Variants in MACF1 observed in about 807,000 individuals in gnomAD.
MACF1 encodes microtubule-actin cross-linking factor 1.
MACF1 carries 193 observed loss-of-function variants against 854.8 expected under a neutral mutation model. That is an observed-to-expected ratio of 0.23 (90% CI 0.20 to 0.25). MACF1 has a LOEUF of 0.25. Ranked by LOEUF, MACF1 falls within the 10% of genes least tolerant of loss-of-function variation. The pLI, the probability that MACF1 is intolerant of heterozygous loss-of-function variation, is 1.00. For missense variants in MACF1, 7,722 were observed against 8,929.1 expected (o/e 0.86, Z 5.45); for synonymous variants, 3,185 against 3,226.7 (o/e 0.99, Z 0.44).
intron 54 of MACF1, among the ~76,000 whole-genome samples, 194 bp downstream of exon 54, chr1:39,379,638 G>T (rs1464240577): frequency 6.6e-6 from 1 of 152,214 alleles, no homozygotes; most frequent in African/African-American, 2.4e-5. Flanking sequence ...ATTAGAAATT[G>T]TTATAAGTTA....
At chr1:39,468,839 G>C in intron 96 of MACF1, 107 bp downstream of exon 96, 1 of 1,018,500 alleles carries the variant, frequency 9.8e-7, no homozygotes, top group Non-Finnish European at 1.5e-6. Context: ...TTTTTATTTT[G>C]TTAAGCTGCC....
intron 23 of MACF1, among the ~76,000 whole-genome samples, chr1:39,308,778 C>T (rs1229750601): frequency 2.6e-5 from 4 of 152,044 alleles, no homozygotes; most frequent in Non-Finnish European, 5.9e-5. Flanking sequence ...GCCTCAGCCT[C>T]CCAAGTAGCT....
At chr1:39,471,591 C>T (rs1448637887) in intron 97 of MACF1, among the ~76,000 whole-genome samples, 1 of 152,152 alleles carries the variant, frequency 6.6e-6, no homozygotes, top group Non-Finnish European at 1.5e-5. Flanking sequence ...TGCCAGTCTC[C>T]TGGTACTGCC....
chr1:39,468,791 T>C, intron 96 of MACF1, 59 bp downstream of exon 96: 10 of 1,445,250 alleles, frequency 6.9e-6, no homozygotes, highest in Non-Finnish European at 9.7e-6. Flanking sequence ...AGTGATCTTT[T>C]ATGCTTACAG....
chr1:39,295,868 A>G lies in MACF1; in HGVS notation c.2341A>G (p.Thr781Ala). 6.2e-7 allele frequency: 1 copy of G among 1,613,848 alleles called. No homozygotes were observed. Among genetic ancestry groups the G allele is most frequent in the Non-Finnish European group, 8.5e-7 (1 of 1,179,804 alleles). Residue 781 changes from threonine to alanine, a missense_variant, in exon 20 of 101, where the codon ACT becomes GCT. Around this residue, in one of 15 missense-constraint regions of MACF1, gnomAD observed 1,137 missense variants for 1,263.0 expected, o/e 0.90. Transcript: ENST00000564288. ...TGTTGAGCAGCATGTGAAAGAGAAT[A>G]CTGCTTATTTTCAGGTGTGATGGAT... Reference protein sequence around the residue: ...LCVEQHVKENTAYFQFFSDAR... With the variant: ...LCVEQHVKENAAYFQFFSDAR...
At chr1:39,443,152 AT>A (rs1212884388) in intron 78 of MACF1, among the ~76,000 whole-genome samples, 1 of 152,192 alleles carries the variant, frequency 6.6e-6, no homozygotes, top group African/African-American at 2.4e-5. Context: ...ACTATAACAG[AT>A]TCCCTTTTTT....
intron 6 of MACF1, among the ~76,000 whole-genome samples, chr1:39,276,766 A>AT (rs1346440723): frequency 1.3e-5 from 2 of 152,044 alleles, no homozygotes; most frequent in Non-Finnish European, 2.9e-5. Context: ...TAGATATGAG[A>AT]TTTTTTTCGT....
intron 2 of MACF1, among the ~76,000 whole-genome samples, chr1:39,198,869 C>T (rs1644355455): frequency 6.6e-6 from 1 of 152,098 alleles, no homozygotes; most frequent in African/African-American, 2.4e-5. Flanking sequence ...TTAATATATA[C>T]TGTTGTTGAG....
In MACF1 at chr1:39,192,969, G is replaced by A. The variant is rs373940472; in HGVS notation, c.221-38213G>A. On this transcript the variant is annotated intron_variant, in intron 2 of 93. Coordinates refer to the MACF1 transcript ENST00000361689. ...TACCAAAAATACAAAAAAATTAGAC[G>A]GGCATGGTGGCGCATGCCTGTAATC... 7.9e-5 allele frequency among the ~76,000 whole-genome samples: 12 copies of A among 152,144 alleles called. No homozygotes were observed. In the South Asian group the frequency reaches 1.0e-3, roughly 13 times the overall value.
Position 39,332,967 on chromosome 1 carries a change from A to T in MACF1, c.6379A>T (p.Ser2127Cys), listed in dbSNP as rs766786831. 2 of 1,614,186 alleles carry T rather than the reference A, an allele frequency of 1.2e-6. No homozygotes were observed. Among genetic ancestry groups the T allele is most frequent in the Non-Finnish European group, 1.7e-6 (2 of 1,180,042 alleles). ...AGCAGTGTCTGTCAGAGAAAATGCC[A>T]GCAGGGGACACCTCCTGACCATACC... The part of the protein sequence containing the change: ...QTAVSVRENA[S>C]RGHLLTIPPA... Residue 2127 changes from serine (S) to cysteine (C), a missense_variant, in exon 37 of 101, where the codon AGC (serine) becomes TGC (cysteine). By Grantham distance (112) the Ser-to-Cys change is moderately radical. Coordinates refer to ENST00000564288, the MANE Select transcript of MACF1 (RefSeq NM_001394062.1).
chr1:39,183,192 G>A (rs1431531522), intron 2 of MACF1, among the ~76,000 whole-genome samples: 1 of 152,206 alleles, frequency 6.6e-6, no homozygotes, highest in Non-Finnish European at 1.5e-5. Context: ...TAGGGGTTGA[G>A]GAGGGGCGAA....
intron 2 of MACF1, among the ~76,000 whole-genome samples, chr1:39,091,583 C>A (rs1377761970): frequency 6.6e-6 from 1 of 152,126 alleles, no homozygotes; most frequent in East Asian, 1.9e-4. Flanking sequence ...GCAGCCTCCA[C>A]CTCCCAAATT....
chr1:39,289,131 C>A (rs1645714717), intron 15 of MACF1, among the ~76,000 whole-genome samples: 1 of 152,186 alleles, frequency 6.6e-6, no homozygotes, highest in Non-Finnish European at 1.5e-5. Context: ...TTTCTTTCTC[C>A]ATTCATCTGT....
Position 39,167,827 on chromosome 1 carries a change from T to C in MACF1, c.221-63355T>C, listed in dbSNP as rs185240807. 7.2e-3 allele frequency among the ~76,000 whole-genome samples: 1,077 copies of C among 149,496 alleles called. 12 individuals carry two copies. The highest frequency in any genetic ancestry group is 0.026 in the African/African-American group (1,041 of 40,468). Reference sequence around the variant, plus strand: ...CTTTGGAGGTTGCAGTGAGCTGAGATTGCGTTACTGCACTCCAGCCTGGGC... The same window carrying C: ...CTTTGGAGGTTGCAGTGAGCTGAGACTGCGTTACTGCACTCCAGCCTGGGC... On this transcript the variant is annotated intron_variant, in intron 2 of 93. Coordinates refer to the MACF1 transcript ENST00000361689.
chr1:39,262,083 T>C (rs1645169113), intron 6 of MACF1, among the ~76,000 whole-genome samples: 1 of 152,170 alleles, frequency 6.6e-6, no homozygotes, highest in African/African-American at 2.4e-5. Flanking sequence ...GGGAATGTTA[T>C]GAGCAAGGTC....
intron 58 of MACF1, among the ~76,000 whole-genome samples, chr1:39,403,743 G>A (rs1569903955): frequency 1.3e-5 from 2 of 151,390 alleles, no homozygotes; most frequent in African/African-American, 4.9e-5. Context: ...GCCACCCTAA[G>A]TTTCATTTAT....
Position 39,335,826 on chromosome 1 carries a change from T to C in MACF1, c.9238T>C (p.Cys3080Arg). ...NEGKVNNLSL[C>R]LTLKPEENLS... The stretch of plus-strand genomic sequence containing the variant: ...AGGAAAAGTAAACAATTTAAGTCTC[T>C]GCTTGACTTTAAAACCAGAAGAAAA... The change falls in exon 37 of 101, where the codon TGC becomes CGC. Residue 3080 changes from cysteine to arginine, a missense_variant. Around this residue, in one of 15 missense-constraint regions of MACF1, gnomAD observed 854 missense variants for 852.6 expected, o/e 1.00. Coordinates refer to ENST00000564288, the MANE Select transcript of MACF1 (RefSeq NM_001394062.1). The C allele has an allele frequency of 6.2e-7, 1 of 1,614,194 alleles. No homozygotes were observed. Among genetic ancestry groups the C allele is most frequent in the Middle Eastern group, 1.6e-4 (1 of 6,062 alleles).
intron 2 of MACF1, among the ~76,000 whole-genome samples, chr1:39,184,949 G>T (rs918631330): frequency 1.3e-5 from 2 of 152,148 alleles, no homozygotes; most frequent in Admixed American, 6.5e-5. Context: ...CTTTTAGGCT[G>T]CATAGGACAC....
intron 1 of MACF1, among the ~76,000 whole-genome samples, chr1:39,223,903 T>C (rs1644683178): frequency 6.6e-6 from 1 of 152,186 alleles, no homozygotes. Flanking sequence ...GAAAGGTTGC[T>C]GACACCATTG....
Sources: allele counts gnomAD v4.1 joint callset (sites outside exome capture counted in the v4.1 genomes callset), GRCh38; gene constraint gnomAD v4.1.1; regional missense constraint gnomAD v4.1.1; transcripts MANE v1.5; gene names NCBI Gene and HGNC (gene_info 2026-07-23, HGNC 2026-07-21).